The following RB1 variants were observed in gnomAD, a reference collection of about 807,000 sequenced individuals.
RB1 encodes the protein retinoblastoma-associated protein.
RB1 carries 18 observed loss-of-function variants against 135.4 expected under a neutral mutation model. The observed-to-expected ratio is 0.13, with a 90% confidence interval of 0.09 to 0.20. RB1 has a LOEUF of 0.20. RB1 is among the 10% of genes least tolerant of loss of function. The pLI is 1.00. For missense variants in RB1, 868 were observed against 1,110.0 expected, an observed-to-expected ratio of 0.78 and a Z score of 3.10; for synonymous variants, 365 against 373.2, an observed-to-expected ratio of 0.98 and a Z score of 0.25.
intron 17 of RB1, among the ~76,000 whole-genome samples, chr13:48,441,016 C>A (rs929371360): frequency 6.6e-6 from 1 of 152,156 alleles, no homozygotes; most frequent in Non-Finnish European, 1.5e-5. Context: ...TGAAATTAAT[C>A]ATTAGATTTT....
chr13:48,385,359 G>T (rs1948564237), intron 17 of RB1, among the ~76,000 whole-genome samples: 1 of 152,254 alleles, frequency 6.6e-6, no homozygotes, highest in East Asian at 1.9e-4. Context: ...TATACTACCT[G>T]TTTGGAATAC....
At chr13:48,454,948 T>G (rs1949351092) in intron 18 of RB1, among the ~76,000 whole-genome samples, 1 of 151,666 alleles carries the variant, frequency 6.6e-6, no homozygotes. Flanking sequence ...CTTGTAGAGA[T>G]CTCCACTCTC....
chr13:48,477,507 G>A, intron 26 of RB1, 103 bp downstream of exon 26: 3 of 901,800 alleles, frequency 3.3e-6, no homozygotes, highest in Non-Finnish European at 5.4e-6. Context: ...CAGTTGGCAG[G>A]TTTGTTTATG....
chr13:48,380,083 A>C lies in RB1; in HGVS notation c.1420A>C (p.Ser474Arg). 7.5e-7 allele frequency: 1 copy of C among 1,326,046 alleles called. No individual in the cohort carries two copies. Among genetic ancestry groups the C allele is most frequent in the Non-Finnish European group, 1.0e-6 (1 of 989,018 alleles). 82.1% of individuals were successfully genotyped at this position (1,326,046 alleles called of 1,614,324 possible). A position where few individuals can be genotyped will look rare whatever the true frequency, so the allele number is the denominator to read the frequency against. The change falls in exon 15 of 27, where the codon AGC becomes CGC. Residue 474 changes from serine to arginine, a missense_variant and splice_region_variant. Physicochemically the swap from Ser to Arg is moderately radical, Grantham distance 110 (BLOSUM62 -1). Around this residue, in one of 3 missense-constraint regions of RB1, gnomAD observed 641 missense variants for 791.3 expected, o/e 0.81. Transcript: ENST00000267163. Reference protein sequence around the residue: ...EEERLSIQNFSKLLNDNIFHM... With the variant: ...EEERLSIQNFRKLLNDNIFHM... ...AGAACGATTATCCATTCAAAATTTTAGGTAAATTTTTTACTTTTAGTAAAA... is the reference window on the plus strand; with the variant it reads ...AGAACGATTATCCATTCAAAATTTTCGGTAAATTTTTTACTTTTAGTAAAA...
intron 17 of RB1, chr13:48,412,434 C>G (rs373712773): frequency 5.5e-4 from 891 of 1,605,990 alleles, no homozygotes; most frequent in Non-Finnish European, 7.2e-4. Context: ...CGTAAAGGCA[C>G]GTCCAATTTT....
At chr13:48,333,659 G>C (rs1044008029) in intron 2 of RB1, among the ~76,000 whole-genome samples, 4 of 151,548 alleles carry the variant, frequency 2.6e-5, no homozygotes, top group Non-Finnish European at 4.4e-5. Context: ...AGAAACTATA[G>C]TGGAACCAAC....
intron 6 of RB1, 73 bp downstream of exon 6, chr13:48,349,096 T>G: frequency 6.8e-7 from 1 of 1,466,594 alleles, no homozygotes; most frequent in Non-Finnish European, 9.3e-7. Context: ...TTGGACTAAA[T>G]TCCCCAATTT....
At chr13:48,429,996 A>G (rs112382857) in intron 17 of RB1, among the ~76,000 whole-genome samples, 1,857 of 152,266 alleles carry the variant, frequency 0.012, 40 homozygotes, top group African/African-American at 0.037. Context: ...AAATCTCAGT[A>G]TGTTTTCAGT....
chr13:48,369,225 C>T (rs1952734158), intron 11 of RB1, among the ~76,000 whole-genome samples: 1 of 152,166 alleles, frequency 6.6e-6, no homozygotes, highest in Non-Finnish European at 1.5e-5. Flanking sequence ...TTTTTCCTCA[C>T]TCATTTCCCA....
chr13:48,375,414 T>G (rs1952810556), intron 12 of RB1, among the ~76,000 whole-genome samples: 1 of 151,712 alleles, frequency 6.6e-6, no homozygotes, highest in South Asian at 2.1e-4. Context: ...AATGGACATT[T>G]TGGCAACAAT....
chr13:48,321,156 C>G (rs78206752), intron 2 of RB1, among the ~76,000 whole-genome samples: 3 of 152,072 alleles, frequency 2.0e-5, no homozygotes, highest in Non-Finnish European at 4.4e-5. Context: ...GCTTGCGTCC[C>G]GCGTCCCGCA....
At chr13:48,363,571 C>A (rs928295516) in intron 8 of RB1, among the ~76,000 whole-genome samples, 5 of 151,946 alleles carry the variant, frequency 3.3e-5, no homozygotes, top group African/African-American at 1.2e-4. Context: ...AACGAACAAA[C>A]AAACCAAAAA....
intron 4 of RB1, 96 bp downstream of exon 4, chr13:48,345,295 G>A: frequency 7.2e-7 from 1 of 1,382,948 alleles, no homozygotes; most frequent in Non-Finnish European, 1.0e-6. Flanking sequence ...AGTAAAGTTA[G>A]TAAGTATTAA....
chr13:48,393,433 C>T (rs915223876), intron 17 of RB1, among the ~76,000 whole-genome samples: 11 of 152,184 alleles, frequency 7.2e-5, no homozygotes, highest in African/African-American at 2.7e-4. Context: ...TAATGAGGCT[C>T]ACCATTTGTT....
In RB1 at chr13:48,481,324, T is replaced by C. The variant is rs1475137530; in HGVS notation, c.*1253T>C. 4.3e-6 allele frequency: 1 copy of C among 231,974 alleles called. No individual in the cohort carries two copies. Among genetic ancestry groups the C allele is most frequent in the African/African-American group, 2.2e-5 (1 of 45,286 alleles). 14.4% of individuals were successfully genotyped at this position (231,974 alleles called of 1,614,324 possible). On this transcript the variant is annotated 3_prime_UTR_variant, in exon 27 of 27. Transcript: ENST00000267163. ...TGCAAAAGCTTCAAATTAAAACAGC[T>C]GCATTAGAAAAAGAGGCGCTTCTCC...
At chr13:48,475,762 A>G (rs1482436667) in intron 24 of RB1, among the ~76,000 whole-genome samples, 5 of 152,188 alleles carry the variant, frequency 3.3e-5, no homozygotes, top group African/African-American at 1.2e-4. Flanking sequence ...CACTGCCTCA[A>G]GTAACTAGGG....
At chr13:48,449,801 A>G (rs1348088794) in intron 17 of RB1, among the ~76,000 whole-genome samples, 2 of 152,142 alleles carry the variant, frequency 1.3e-5, no homozygotes, top group African/African-American at 4.8e-5. Flanking sequence ...GTGGGGTTTT[A>G]TGAGAGAGAG....
At chr13:48,442,237 G>A (rs1256972682) in intron 17 of RB1, among the ~76,000 whole-genome samples, 1 of 149,364 alleles carries the variant, frequency 6.7e-6, no homozygotes. Flanking sequence ...GTCTTGCTCT[G>A]TTGCCCAGGC....
intron 6 of RB1, among the ~76,000 whole-genome samples, chr13:48,352,677 A>G (rs1952558649): frequency 6.6e-6 from 1 of 151,912 alleles, no homozygotes; most frequent in Admixed American, 6.6e-5. Context: ...GTGTAGAACT[A>G]CTAGTGATTT....
Sources: allele counts gnomAD v4.1 joint callset (sites outside exome capture counted in the v4.1 genomes callset), GRCh38; gene constraint gnomAD v4.1.1; regional missense constraint gnomAD v4.1.1; transcripts MANE v1.5; gene names NCBI Gene and HGNC (gene_info 2026-07-23, HGNC 2026-07-21).